ELL: variants seen among roughly 807,000 people sequenced by gnomAD.
ELL encodes the protein RNA polymerase II elongation factor ELL.
A neutral mutation model predicts 64.0 loss-of-function variants in ELL; 18 were observed. The observed-to-expected ratio is 0.28, with a 90% CI of 0.19 to 0.42. The LOEUF is 0.42. Ranked by LOEUF, ELL falls within the 10% of genes least tolerant of loss-of-function variation. ELL has a pLI of 1.00. For synonymous variants in ELL, 399 were observed against 376.2 expected, an observed-to-expected ratio of 1.06 and a Z score of -0.70; for missense variants, 797 against 870.4, an observed-to-expected ratio of 0.92 and a Z score of 1.06.
intron 1 of ELL, among the ~76,000 whole-genome samples, chr19:18,474,865 G>A (rs559961865): frequency 3.3e-5 from 5 of 152,356 alleles, no homozygotes; most frequent in African/African-American, 1.2e-4. Flanking sequence ...GTTCACGCCT[G>A]TAATCCCAGC....
chr19:18,510,515 T>C (rs1568400151), intron 1 of ELL, among the ~76,000 whole-genome samples: 2 of 152,176 alleles, frequency 1.3e-5, no homozygotes, highest in African/African-American at 2.4e-5. Context: ...TCCCTGTCCC[T>C]TTCTCTCACC....
intron 5 of ELL, among the ~76,000 whole-genome samples, chr19:18,459,497 G>A (rs986107847): frequency 7.9e-5 from 12 of 151,908 alleles, no homozygotes; most frequent in African/African-American, 2.7e-4. Context: ...ATGGCTCTGC[G>A]TCACAGCGTA....
At chr19:18,498,658 G>A (rs1975714543) in intron 1 of ELL, among the ~76,000 whole-genome samples, 1 of 152,134 alleles carries the variant, frequency 6.6e-6, no homozygotes, top group Non-Finnish European at 1.5e-5. Flanking sequence ...TAGACAGGCT[G>A]GGTTAAGAAC....
chr19:18,501,424 G>A lies in ELL; in HGVS notation c.135+20497C>T, dbSNP rs887955572. 6.6e-6 allele frequency among the ~76,000 whole-genome samples: 1 copy of A among 152,196 alleles called. No individual in the cohort carries two copies. ...GATGGGCCCACTGTTGGCGAGGAGG[G>A]GCCCACGCCTCAACAATGAGGCGGA... On this transcript the variant is annotated intron_variant, in intron 1 of 11. Transcript: ENST00000262809. The surrounding 1 kb of genome is among the most constrained non-coding windows in gnomAD (Gnocchi z 4.5).
chr19:18,522,007 C>G lies in ELL; in HGVS notation c.49G>C (p.Val17Leu), dbSNP rs1407797831. The part of the protein sequence containing the change: ...DRSYGLSCGR[V>L]SDGSKVSVFH... ...ACCGACACCTTGCTGCCGTCGCTAA[C>G]CCGCCCGCACGACAGCCCGTAGCTC... The change falls in exon 1 of 12, where the codon GTT becomes CTT. Residue 17 changes from valine to leucine, a missense_variant. By Grantham distance (32) the Val-to-Leu change is conservative. Transcript: ENST00000262809. 6.2e-7 allele frequency: 1 copy of G among 1,611,350 alleles called. No homozygotes were observed. Among genetic ancestry groups the G allele is most frequent in the South Asian group, 1.1e-5 (1 of 90,878 alleles).
chr19:18,452,914 A>T (rs1414076771), intron 6 of ELL, among the ~76,000 whole-genome samples: 3 of 152,252 alleles, frequency 2.0e-5, no homozygotes, highest in South Asian at 2.1e-4. Context: ...GTCAGACCTC[A>T]AAACAGAGGA....
At position 18,501,610 on chromosome 19, in the gene ELL, G is replaced by A. The variant is rs929360630; in HGVS notation, c.135+20311C>T. Among the ~76,000 whole-genome samples the A allele has an allele frequency of 2.0e-5, 3 of 152,198 alleles. No individual in the cohort carries two copies. The highest frequency in any genetic ancestry group is 2.9e-5 in the Non-Finnish European group (2 of 68,034). On this transcript the variant is annotated intron_variant, in intron 1 of 11. Transcript: ENST00000262809. This position sits in a 1 kb window ranked among gnomAD's most constrained non-coding sequence, Gnocchi z 4.5. ...GCCAAGCCAGGGGCCGGCTACTCACGAGTGCACACGAGGACAGCCAGGATT... is the reference window on the plus strand; with the variant it reads ...GCCAAGCCAGGGGCCGGCTACTCACAAGTGCACACGAGGACAGCCAGGATT...
chr19:18,521,766 G>C (rs1215901817), intron 1 of ELL, among the ~76,000 whole-genome samples, 155 bp downstream of exon 1: 1 of 152,036 alleles, frequency 6.6e-6, no homozygotes, highest in Admixed American at 6.5e-5. Context: ...GCTCCAGGCC[G>C]GACTGGCGCC....
intron 6 of ELL, among the ~76,000 whole-genome samples, chr19:18,454,837 T>G (rs1258451234): frequency 5.7e-5 from 3 of 52,558 alleles, no homozygotes; most frequent in African/African-American, 1.1e-4. Flanking sequence ...TGAGACTCAG[T>G]CTCAAAAAAA....
At chr19:18,508,075 GCA>G (rs1182428519) in intron 1 of ELL, among the ~76,000 whole-genome samples, 1 of 152,336 alleles carries the variant, frequency 6.6e-6, no homozygotes, top group African/African-American at 2.4e-5. Context: ...CAGGATTGAT[GCA>G]GTCCCTGAGA....
Position 18,483,964 on chromosome 19 carries a change from C to T in ELL, c.136-11082G>A, listed in dbSNP as rs572375107. On this transcript the variant is annotated intron_variant, in intron 1 of 11. Transcript: ENST00000262809. ...ACAAGCCCTCCTGCCAACACCTTAA[C>T]TTTGCCTTTCCCCCTTATTATTCCA... Among the ~76,000 whole-genome samples, 19 of 152,342 alleles carry T rather than the reference C, an allele frequency of 1.2e-4. No individual in the cohort carries two copies. In the East Asian group the frequency reaches 3.1e-3, roughly 25 times the overall value.
At position 18,443,920 on chromosome 19, in the gene ELL, C is replaced by G. The variant is rs1223801878; in HGVS notation, c.*832G>C. ...AGTGTGGAATGAGCAGCAGCAGCAA[C>G]AAATGGGAAACCGAGGACATCGCAA... On this transcript the variant is annotated 3_prime_UTR_variant, in exon 12 of 12. Transcript: ENST00000262809. 3.0e-5 allele frequency: 7 copies of G among 232,734 alleles called. No homozygotes were observed. The highest frequency in any genetic ancestry group is 5.9e-5 in the Non-Finnish European group (7 of 117,778). The allele number at this position is 232,734 out of a possible 1,614,324, so 14.4% of individuals were successfully genotyped here. A position where few individuals can be genotyped will look rare whatever the true frequency, so the allele number is the denominator to read the frequency against.
chr19:18,446,911 T>G, intron 8 of ELL, 97 bp from the exon 9 acceptor site: 1 of 1,331,590 alleles, frequency 7.5e-7, no homozygotes, highest in South Asian at 1.2e-5. Context: ...CTGTACACTT[T>G]GCTGCTGGAG....
chr19:18,492,835 G>A (rs1975560174), intron 1 of ELL, among the ~76,000 whole-genome samples: 1 of 152,100 alleles, frequency 6.6e-6, no homozygotes. Context: ...GTGGATGAGT[G>A]AGCCTCTCTG....
chr19:18,447,107 A>C (rs1462860991), intron 8 of ELL, among the ~76,000 whole-genome samples: 1 of 152,222 alleles, frequency 6.6e-6, no homozygotes, highest in Admixed American at 6.5e-5. Flanking sequence ...CACCACAGTC[A>C]CATTCTTGGC....
rs1382315003 is a variant in ELL at position 18,450,617 on chromosome 19, C to G, written c.1325G>C (p.Ser442Thr). Residue 442 changes from serine to threonine, a missense_variant, in exon 8 of 12, where the codon AGC (serine) becomes ACC (threonine). Ser to Thr is a moderately conservative substitution (Grantham distance 58). Transcript: ENST00000262809. Reference protein sequence around the residue: ...DCAQPSRPHGSPSRSKPKKKS... With the variant: ...DCAQPSRPHGTPSRSKPKKKS... ...CTTCTTGGGCTTGCTGCGCGAGGGG[C>G]TGCCGTGTGGCCTGCTGGGCTGGGC... is the stretch of plus-strand genomic sequence containing the variant. 1.2e-6 allele frequency: 2 copies of G among 1,610,552 alleles called. No homozygotes were observed. The highest frequency in any genetic ancestry group is 1.1e-5 in the South Asian group (1 of 90,836).
intron 1 of ELL, among the ~76,000 whole-genome samples, chr19:18,519,578 G>A (rs950105327): frequency 6.6e-6 from 1 of 152,154 alleles, no homozygotes; most frequent in Non-Finnish European, 1.5e-5. Context: ...AGGCTGAGAA[G>A]GACGGATCAC....
At chr19:18,513,791 C>G (rs532421156) in intron 1 of ELL, among the ~76,000 whole-genome samples, 1 of 151,746 alleles carries the variant, frequency 6.6e-6, no homozygotes, top group East Asian at 1.9e-4. Flanking sequence ...ATTAGCCGGG[C>G]GTGGTGGCGG....
chr19:18,467,437 C>T (rs1204258229), intron 2 of ELL, among the ~76,000 whole-genome samples: 1 of 152,068 alleles, frequency 6.6e-6, no homozygotes, highest in Non-Finnish European at 1.5e-5. Context: ...AAACAGCGTG[C>T]TGGTGGAGGG....
Sources: allele counts gnomAD v4.1 joint callset (sites outside exome capture counted in the v4.1 genomes callset), GRCh38; gene constraint gnomAD v4.1.1; non-coding constraint Gnocchi (gnomAD v3.1); transcripts MANE v1.5; gene names NCBI Gene and HGNC (gene_info 2026-07-23, HGNC 2026-07-21).